GPR39: variants seen among roughly 807,000 people sequenced by gnomAD.
GPR39 encodes the protein G protein-coupled receptor 39, also known as zinc sensing receptor.
Under a neutral mutation model 18.4 loss-of-function variants are expected in GPR39, and 23 were observed. The observed-to-expected ratio is 1.25, with a 90% CI of 0.90 to 1.77. The LOEUF (loss-of-function observed/expected upper bound fraction) is 1.77, where lower values mean the gene tolerates loss of function less well. GPR39 is among the 40% of genes most tolerant of loss of function. The probability of loss-of-function intolerance (pLI) is 0.00; values close to 1 mark genes in which losing one functional copy is unlikely to be tolerated. For missense variants in GPR39, 647 were observed against 602.4 expected, an observed-to-expected ratio of 1.07 and a Z score of -0.78; for synonymous variants, 280 against 257.9, an observed-to-expected ratio of 1.09 and a Z score of -0.82.
intron 1 of GPR39, among the ~76,000 whole-genome samples, chr2:132,520,942 T>C (rs923195255): frequency 2.6e-5 from 4 of 152,156 alleles, no homozygotes; most frequent in African/African-American, 9.7e-5. Flanking sequence ...CTGTTGTAAG[T>C]AGAAGAAAAT....
At position 132,417,771 on chromosome 2, in the gene GPR39, G is replaced by C. The variant is rs148042802; in HGVS notation, c.729G>C (p.Trp243Cys). Residue 243 changes from tryptophan (W) to cysteine (C), a missense_variant, in exon 1 of 2, where the codon TGG (tryptophan) becomes TGC (cysteine). Physicochemically the swap from Trp to Cys is radical, Grantham distance 215. Around this residue, in one of 3 missense-constraint regions of GPR39, gnomAD observed 581 missense variants for 506.8 expected, o/e 1.15. Transcript: ENST00000329321. ...VVLLSVAFMC[W>C]NMMQVLMKSQ... ...TGCTCTCCGTAGCCTTCATGTGCTG[G>C]AACATGATGCAGGTGCTCATGAAAA... 6.2e-7 allele frequency: 1 copy of C among 1,614,198 alleles called. No individual in the cohort carries two copies. The highest frequency in any genetic ancestry group is 8.5e-7 in the Non-Finnish European group (1 of 1,180,046).
chr2:132,423,422 C>T (rs530382608), intron 1 of GPR39, among the ~76,000 whole-genome samples: 10 of 152,246 alleles, frequency 6.6e-5, no homozygotes, highest in East Asian at 5.8e-4. Flanking sequence ...ACAATCACAC[C>T]GGGGCTTAGG....
intron 1 of GPR39, among the ~76,000 whole-genome samples, chr2:132,550,930 A>G (rs901754408): frequency 1.3e-5 from 2 of 152,206 alleles, no homozygotes; most frequent in African/African-American, 4.8e-5. Context: ...TTGTTAAAGT[A>G]TTAGAAGACC....
chr2:132,602,081 G>A (rs1329217032), intron 1 of GPR39, among the ~76,000 whole-genome samples: 1 of 148,854 alleles, frequency 6.7e-6, no homozygotes, highest in Non-Finnish European at 1.5e-5. Context: ...ACCCCAAATA[G>A]CCAAAGCAAT....
At chr2:132,632,688 T>G (rs1157073426) in intron 1 of GPR39, among the ~76,000 whole-genome samples, 1 of 152,176 alleles carries the variant, frequency 6.6e-6, no homozygotes, top group Non-Finnish European at 1.5e-5. Flanking sequence ...GCATTGAAAT[T>G]CAGCAGTGGC....
chr2:132,447,670 A>G (rs916085029), intron 1 of GPR39, among the ~76,000 whole-genome samples: 26 of 152,024 alleles, frequency 1.7e-4, no homozygotes, highest in African/African-American at 4.8e-4. Context: ...TTCCAAAAAT[A>G]TTTGTTTTTT....
At chr2:132,515,860 C>T (rs1017646736) in intron 1 of GPR39, among the ~76,000 whole-genome samples, 5 of 152,090 alleles carry the variant, frequency 3.3e-5, no homozygotes, top group African/African-American at 9.7e-5. Context: ...TAAGTCATAA[C>T]CTTTTGTCCT....
intron 1 of GPR39, among the ~76,000 whole-genome samples, chr2:132,560,407 T>C (rs1183210512): frequency 6.6e-6 from 1 of 152,106 alleles, no homozygotes; most frequent in Non-Finnish European, 1.5e-5. Flanking sequence ...TGCTCTCCAG[T>C]CTCTCCCCAT....
intron 1 of GPR39, among the ~76,000 whole-genome samples, chr2:132,502,749 A>C (rs763171337): frequency 7.2e-5 from 11 of 152,140 alleles, no homozygotes; most frequent in Admixed American, 2.0e-4. Context: ...AACTTCTTGG[A>C]GGCTTTGTTC....
chr2:132,624,455 T>C (rs578026533), intron 1 of GPR39, among the ~76,000 whole-genome samples: 1 of 152,346 alleles, frequency 6.6e-6, no homozygotes, highest in South Asian at 2.1e-4. Flanking sequence ...TCGAAAGAAA[T>C]ATTTTTGAAC....
intron 1 of GPR39, among the ~76,000 whole-genome samples, chr2:132,482,512 A>G (rs568431888): frequency 8.5e-5 from 13 of 152,210 alleles, no homozygotes; most frequent in African/African-American, 1.7e-4. Context: ...CATCACTTCT[A>G]CCACATTACG....
intron 1 of GPR39, among the ~76,000 whole-genome samples, chr2:132,574,593 G>A (rs1466005384): frequency 6.6e-6 from 1 of 152,090 alleles, no homozygotes; most frequent in Admixed American, 6.6e-5. Flanking sequence ...AAATTAGCTG[G>A]ACATGATGGT....
At chr2:132,445,620 A>AAAAGGCTTT (rs1455842458) in intron 1 of GPR39, among the ~76,000 whole-genome samples, 5 of 152,308 alleles carry the variant, frequency 3.3e-5, no homozygotes, top group Admixed American at 2.6e-4. Flanking sequence ...ATAAGGCTTT[A>AAAAGGCTTT]AAAATGTATA....
chr2:132,560,346 C>T (rs573987782), intron 1 of GPR39, among the ~76,000 whole-genome samples: 2 of 152,276 alleles, frequency 1.3e-5, no homozygotes, highest in South Asian at 4.2e-4. Context: ...ACCCTCCTGT[C>T]CTACAGCCAC....
At chr2:132,530,176 G>T (rs1679588986) in intron 1 of GPR39, among the ~76,000 whole-genome samples, 1 of 152,178 alleles carries the variant, frequency 6.6e-6, no homozygotes, top group Admixed American at 6.5e-5. Flanking sequence ...TGATGGAGCT[G>T]AAAACCATGG....
At chr2:132,546,764 GGCTTGGGCAGAGAGA>G (rs1679956444) in intron 1 of GPR39, among the ~76,000 whole-genome samples, 1 of 148,644 alleles carries the variant, frequency 6.7e-6, no homozygotes, top group Non-Finnish European at 1.5e-5. Context: ...GGGCCTCTGT[GGCTTGGGCAGAGAGA>G]GCCTCCATCT....
At chr2:132,441,309 A>G (rs1680434392) in intron 1 of GPR39, among the ~76,000 whole-genome samples, 1 of 152,162 alleles carries the variant, frequency 6.6e-6, no homozygotes, top group Non-Finnish European at 1.5e-5. Context: ...CTGCATTTCA[A>G]AAGTTAGCTT....
intron 1 of GPR39, among the ~76,000 whole-genome samples, chr2:132,508,857 T>C (rs747742119): frequency 6.6e-6 from 1 of 152,134 alleles, no homozygotes; most frequent in Non-Finnish European, 1.5e-5. Flanking sequence ...AACCTTATGT[T>C]CCCAGTTGTC....
intron 1 of GPR39, among the ~76,000 whole-genome samples, chr2:132,457,432 T>C (rs1015839241): frequency 6.6e-6 from 1 of 152,198 alleles, no homozygotes; most frequent in Non-Finnish European, 1.5e-5. Context: ...AATGTCCTCC[T>C]TTAGCTTGGA....
Sources: gnomAD v4.1 joint callset for allele counts (sites outside exome capture counted in the v4.1 genomes callset) on GRCh38, gnomAD v4.1.1 for gene constraint, gnomAD v4.1.1 regional missense constraint, MANE v1.5 for transcripts, NCBI Gene and HGNC (gene_info 2026-07-23, HGNC 2026-07-21) for gene names.